THSD4: variants seen among roughly 807,000 people sequenced by gnomAD.
The protein encoded by THSD4 is thrombospondin type-1 domain-containing protein 4.
A neutral mutation model predicts 119.0 loss-of-function variants in THSD4; 69 were observed. The observed-to-expected ratio is 0.58, with a 90% CI of 0.48 to 0.71. The LOEUF is 0.71. THSD4 is among the 30% of genes least tolerant of loss of function. The probability of loss-of-function intolerance (pLI) is 0.00; values close to 1 mark genes in which losing one functional copy is unlikely to be tolerated. For missense variants in THSD4, 1,393 were observed against 1,391.1 expected, an observed-to-expected ratio of 1.00 and a Z score of -0.02; for synonymous variants, 524 against 540.4, an observed-to-expected ratio of 0.97 and a Z score of 0.42.
At chr15:71,700,751 A>T (rs1049910760) in intron 8 of THSD4, among the ~76,000 whole-genome samples, 3 of 152,078 alleles carry the variant, frequency 2.0e-5, no homozygotes. Context: ...CTAGAAATAG[A>T]CCCCTGTTTG....
chr15:71,705,114 G>A (rs543418328), intron 8 of THSD4, among the ~76,000 whole-genome samples: 8 of 152,318 alleles, frequency 5.3e-5, no homozygotes, highest in African/African-American at 1.4e-4. Flanking sequence ...CTAATCCACT[G>A]AAGGGCAGTC....
At chr15:71,202,605 T>A (rs957761249) in intron 3 of THSD4, among the ~76,000 whole-genome samples, 1 of 152,208 alleles carries the variant, frequency 6.6e-6, no homozygotes, top group African/African-American at 2.4e-5. Context: ...TTGTTCTAAT[T>A]TTTAAAACAA....
chr15:71,738,098 G>A, intron 11 of THSD4, 91 bp downstream of exon 11: 2 of 1,510,600 alleles, frequency 1.3e-6, no homozygotes, highest in Non-Finnish European at 1.8e-6. Flanking sequence ...GGCTTTTTTG[G>A]CACCAGGGAC....
chr15:71,497,045 G>A (rs1168794255), intron 7 of THSD4, among the ~76,000 whole-genome samples: 2 of 152,182 alleles, frequency 1.3e-5, no homozygotes, highest in African/African-American at 4.8e-5. Flanking sequence ...CACCAGCACT[G>A]CCATTGCATT....
At chr15:71,697,116 T>A (rs1431609636) in intron 8 of THSD4, among the ~76,000 whole-genome samples, 1 of 152,120 alleles carries the variant, frequency 6.6e-6, no homozygotes, top group Non-Finnish European at 1.5e-5. Context: ...AAGTGGCCAC[T>A]GTTAAGAGCC....
chr15:71,724,235 C>G (rs1410789242), intron 8 of THSD4, among the ~76,000 whole-genome samples: 1 of 133,142 alleles, frequency 7.5e-6, no homozygotes, highest in African/African-American at 2.5e-5. Flanking sequence ...GGCTGGGCTG[C>G]AGCATCTGGG....
chr15:71,629,549 C>CTCCATCACATTT (rs1302222995), intron 7 of THSD4, among the ~76,000 whole-genome samples: 1 of 152,160 alleles, frequency 6.6e-6, no homozygotes, highest in Non-Finnish European at 1.5e-5. Context: ...CTCAGTCACT[C>CTCCATCACATTT]TCCATCACAT....
intron 4 of THSD4, among the ~76,000 whole-genome samples, chr15:71,234,560 C>T (rs1470616497): frequency 6.6e-6 from 1 of 152,166 alleles, no homozygotes; most frequent in East Asian, 1.9e-4. Context: ...CTTGCTTTGG[C>T]CTCCCAAAGT....
intron 7 of THSD4, among the ~76,000 whole-genome samples, chr15:71,576,106 G>GAA (rs36055990): frequency 3.4e-5 from 5 of 148,990 alleles, no homozygotes. Flanking sequence ...CTTTTTTGTG[G>GAA]AAAAAAAAAA....
At chr15:71,447,403 T>A (rs1019361226) in intron 7 of THSD4, among the ~76,000 whole-genome samples, 2 of 152,036 alleles carry the variant, frequency 1.3e-5, no homozygotes, top group Non-Finnish European at 1.5e-5. Flanking sequence ...AGTGCAAGGA[T>A]TACAGGCATG....
chr15:71,640,689 A>G (rs2050840544), intron 7 of THSD4, among the ~76,000 whole-genome samples: 1 of 152,178 alleles, frequency 6.6e-6, no homozygotes, highest in South Asian at 2.1e-4. Flanking sequence ...GTAAAAATCC[A>G]TCCCTTTATT....
chr15:71,743,130 C>T (rs1213563323), intron 11 of THSD4, among the ~76,000 whole-genome samples: 1 of 152,154 alleles, frequency 6.6e-6, no homozygotes, highest in Non-Finnish European at 1.5e-5. Flanking sequence ...GAGTTCATTT[C>T]CGTGGAGCTG....
At chr15:71,720,997 T>C (rs2052711114) in intron 8 of THSD4, among the ~76,000 whole-genome samples, 1 of 152,242 alleles carries the variant, frequency 6.6e-6, no homozygotes, top group South Asian at 2.1e-4. Flanking sequence ...GTCATGTGTC[T>C]CCTGTAAGGA....
Position 71,775,901 on chromosome 15 carries a change from A to G in THSD4, c.2915-1331A>G, listed in dbSNP as rs1178036526. Among the ~76,000 whole-genome samples, 3 of 152,308 alleles carry G rather than the reference A, an allele frequency of 2.0e-5. No homozygotes were observed. The East Asian group carries it at 5.8e-4, about 29-fold the overall frequency. ...AGAGCAGAATAGGCCAGAAATACAC[A>G]TATAAAGGATGTGTGATATATGATG... On this transcript the variant is annotated intron_variant, in intron 17 of 17. Transcript: ENST00000261862.
chr15:71,748,588 C>G lies in THSD4; in HGVS notation c.2409C>G (p.Ser803Arg). The G allele has an allele frequency of 6.2e-7, 1 of 1,613,916 alleles. No individual in the cohort carries two copies. The highest frequency in any genetic ancestry group is 1.1e-5 in the South Asian group (1 of 91,054). ...AGAGCTGGTTCCTCACCGAGTGGAG[C>G]GAAAGGGTGAGTGTGATGGCGGGCA... is the stretch of plus-strand genomic sequence containing the variant. ...CAKSWFLTEW[S>R]ERCSAECGAG... The change falls in exon 14 of 18, where the codon AGC (serine) becomes AGG (arginine). Residue 803 changes from serine to arginine, a missense_variant. Physicochemically the swap from Ser to Arg is moderately radical, Grantham distance 110. Coordinates refer to ENST00000261862, the MANE Select transcript of THSD4 (RefSeq NM_024817.3).
chr15:71,221,595 T>A (rs1360668225), intron 4 of THSD4, among the ~76,000 whole-genome samples: 1 of 152,224 alleles, frequency 6.6e-6, no homozygotes, highest in Non-Finnish European at 1.5e-5. Context: ...TCAAGGTTTA[T>A]TCCATATTGT....
intron 6 of THSD4, among the ~76,000 whole-genome samples, chr15:71,390,273 T>G (rs1428946592): frequency 6.6e-6 from 1 of 151,838 alleles, no homozygotes; most frequent in Non-Finnish European, 1.5e-5. Context: ...TATTACACTT[T>G]CTGTCTTTTG....
intron 7 of THSD4, among the ~76,000 whole-genome samples, chr15:71,518,426 G>A (rs556517505): frequency 2.8e-4 from 42 of 152,138 alleles, no homozygotes; most frequent in Non-Finnish European, 4.9e-4. Context: ...CCCTACCTGC[G>A]TGGGAATGAT....
intron 7 of THSD4, among the ~76,000 whole-genome samples, chr15:71,545,063 G>A (rs776866072): frequency 8.3e-4 from 126 of 152,268 alleles, no homozygotes; most frequent in Middle Eastern, 3.4e-3. Context: ...TGGGATAATG[G>A]AAAAGTTCTA....
Sources: allele counts gnomAD v4.1 joint callset (sites outside exome capture counted in the v4.1 genomes callset), GRCh38; gene constraint gnomAD v4.1.1; transcripts MANE v1.5; gene names NCBI Gene and HGNC (gene_info 2026-07-23, HGNC 2026-07-21).